Variants in ARIH1 observed in about 807,000 individuals in gnomAD.
ARIH1 encodes the protein E3 ubiquitin-protein ligase ARIH1.
Under a neutral mutation model 85.0 loss-of-function variants are expected in ARIH1, and 8 were observed. That is an observed-to-expected ratio of 0.09 (90% CI 0.06 to 0.17). The LOEUF (loss-of-function observed/expected upper bound fraction) is 0.17. Among genes scored for constraint, ARIH1 ranks in the 10% least tolerant of loss-of-function variants. The probability of loss-of-function intolerance (pLI) is 1.00; values close to 1 mark genes in which losing one functional copy is unlikely to be tolerated. For missense variants in ARIH1, 311 were observed against 718.1 expected (o/e 0.43, Z 6.48); for synonymous variants, 238 against 253.6 (o/e 0.94, Z 0.59).
At chr15:72,506,878 T>C (rs1381316851) in intron 1 of ARIH1, among the ~76,000 whole-genome samples, 2 of 152,120 alleles carry the variant, frequency 1.3e-5, no homozygotes, top group Non-Finnish European at 2.9e-5. Context: ...CTTAGCTTTA[T>C]CCTAAAATAA....
intron 11 of ARIH1, among the ~76,000 whole-genome samples, chr15:72,578,547 A>G (rs528983353): frequency 1.6e-4 from 24 of 152,306 alleles, no homozygotes; most frequent in African/African-American, 5.5e-4. Flanking sequence ...AAATCATAAG[A>G]TAGGCTACAT....
intron 2 of ARIH1, among the ~76,000 whole-genome samples, chr15:72,523,176 C>G (rs891230664): frequency 6.6e-6 from 1 of 152,184 alleles, no homozygotes; most frequent in African/African-American, 2.4e-5. Context: ...TGTGTCCATA[C>G]AAAAACCTGC....
At position 72,586,396 on chromosome 15, in the gene ARIH1, T is replaced by C. The variant is rs2140442685; in HGVS notation, c.*3104T>C. ...GGGTGGGTTGGTGAGACAATCAGAA[T>C]GGTAAATTGATTAAATGCTCCTAAC... is the stretch of plus-strand genomic sequence containing the variant. On this transcript the variant is annotated 3_prime_UTR_variant, in exon 14 of 14. Coordinates refer to ENST00000379887, the MANE Select transcript of ARIH1 (RefSeq NM_005744.5). 1 of 152,274 alleles carries C rather than the reference T, an allele frequency of 6.6e-6. No homozygotes were observed. Among genetic ancestry groups the C allele is most frequent in the East Asian group, 1.9e-4 (1 of 5,190 alleles). The allele number at this position is 152,274 out of a possible 1,614,324, so 9.4% of individuals were successfully genotyped here.
At chr15:72,548,339 TA>T (rs2064138422) in intron 3 of ARIH1, among the ~76,000 whole-genome samples, 1 of 152,118 alleles carries the variant, frequency 6.6e-6, no homozygotes. Flanking sequence ...TGGGGGATGG[TA>T]AATAGTACTA....
At chr15:72,507,747 TA>T (rs1289074089) in intron 1 of ARIH1, among the ~76,000 whole-genome samples, 1 of 152,160 alleles carries the variant, frequency 6.6e-6, no homozygotes, top group Non-Finnish European at 1.5e-5. Context: ...GATCAAAGGA[TA>T]GGGGATGATG....
chr15:72,538,004 G>A (rs1337309852), intron 2 of ARIH1, among the ~76,000 whole-genome samples: 2 of 152,112 alleles, frequency 1.3e-5, no homozygotes, highest in Non-Finnish European at 2.9e-5. Context: ...ATAGCTAGTT[G>A]ACTTGCAAAT....
chr15:72,476,249 A>T (rs1190662762), intron 1 of ARIH1, among the ~76,000 whole-genome samples: 1 of 152,226 alleles, frequency 6.6e-6, no homozygotes, highest in Admixed American at 6.5e-5. Context: ...CTGTTTCAAT[A>T]CAGTGTTTTG....
chr15:72,555,981 C>A, intron 5 of ARIH1, 74 bp downstream of exon 5: 1 of 1,323,094 alleles, frequency 7.6e-7, no homozygotes, highest in Non-Finnish European at 1.1e-6. Flanking sequence ...TACTTAGTAC[C>A]TCAAAGGAAG....
chr15:72,594,811 C>CTTTTTTTTTTTTTTTTTT lies in ARIH1; in HGVS notation c.*11529_*11546dup, dbSNP rs71137306. On this transcript the variant is annotated 3_prime_UTR_variant, in exon 14 of 14. Coordinates refer to ENST00000379887, the MANE Select transcript of ARIH1 (RefSeq NM_005744.5). Reference sequence around the variant, plus strand: ...TTTTTCTGATTTTATGCCTTTTCTTCTTTTTTTTTTTTTTTTTTTTTTTTT... The same window carrying CTTTTTTTTTTTTTTTTTT: ...TTTTTCTGATTTTATGCCTTTTCTTCTTTTTTTTTTTTTTTTTTTTTTTTTTTTTTTTTTTTTTTTTTT... The CTTTTTTTTTTTTTTTTTT allele has an allele frequency of 6.4e-4, 51 of 79,624 alleles. 7 individuals are homozygous for CTTTTTTTTTTTTTTTTTT. The highest frequency in any genetic ancestry group is 1.7e-3 in the African/African-American group (28 of 16,424). 4.9% of individuals were successfully genotyped at this position (79,624 alleles called of 1,614,324 possible). A position where few individuals can be genotyped will look rare whatever the true frequency, so the allele number is the denominator to read the frequency against.
intron 2 of ARIH1, among the ~76,000 whole-genome samples, chr15:72,543,197 A>G (rs2064115398): frequency 6.6e-6 from 1 of 151,688 alleles, no homozygotes. Context: ...AGCATCCCAA[A>G]GTGCTGGGAT....
intron 1 of ARIH1, among the ~76,000 whole-genome samples, chr15:72,495,315 T>C (rs959754498): frequency 6.6e-6 from 1 of 152,222 alleles, no homozygotes; most frequent in Non-Finnish European, 1.5e-5. Flanking sequence ...CACAATTCTG[T>C]GAATATAATC....
chr15:72,501,690 A>C (rs979443572), intron 1 of ARIH1, among the ~76,000 whole-genome samples: 1 of 152,202 alleles, frequency 6.6e-6, no homozygotes, highest in African/African-American at 2.4e-5. Flanking sequence ...GGAACCCAGA[A>C]GTGAGTATGT....
intron 1 of ARIH1, among the ~76,000 whole-genome samples, chr15:72,512,566 C>T (rs2063955334): frequency 1.5e-5 from 2 of 137,264 alleles, no homozygotes. Flanking sequence ...GTTTATTATT[C>T]CCTTTCTTCT....
chr15:72,571,426 C>G (rs745369730), intron 10 of ARIH1, among the ~76,000 whole-genome samples: 1 of 152,156 alleles, frequency 6.6e-6, no homozygotes, highest in African/African-American at 2.4e-5. Context: ...ATAGCTGCTC[C>G]CATAATGTAG....
At chr15:72,517,271 A>G (rs1311005440) in intron 1 of ARIH1, among the ~76,000 whole-genome samples, 26 of 152,158 alleles carry the variant, frequency 1.7e-4, no homozygotes, top group Non-Finnish European at 2.9e-5. Context: ...ATAAGGTATT[A>G]AATTATTTTT....
At chr15:72,540,990 C>T (rs370263449) in intron 2 of ARIH1, among the ~76,000 whole-genome samples, 7 of 152,216 alleles carry the variant, frequency 4.6e-5, no homozygotes, top group Middle Eastern at 3.4e-3. Flanking sequence ...CAAAGTCCAG[C>T]GGAGTCAAAG....
intron 2 of ARIH1, among the ~76,000 whole-genome samples, chr15:72,524,103 T>C (rs1377217097): frequency 6.6e-6 from 1 of 151,878 alleles, no homozygotes; most frequent in Non-Finnish European, 1.5e-5. Flanking sequence ...CCTGCCACCA[T>C]GCCTGGCGAA....
intron 2 of ARIH1, among the ~76,000 whole-genome samples, chr15:72,535,430 A>G (rs139192719): frequency 6.6e-6 from 1 of 152,190 alleles, no homozygotes. Flanking sequence ...CATAATTCCT[A>G]CATATAGTTG....
chr15:72,521,389 CAT>C (rs757125583), intron 2 of ARIH1, among the ~76,000 whole-genome samples: 4 of 151,890 alleles, frequency 2.6e-5, no homozygotes, highest in Admixed American at 1.3e-4. Context: ...GTTTTGAAAA[CAT>C]AAACTGTTGG....
Sources: allele counts gnomAD v4.1 joint callset (sites outside exome capture counted in the v4.1 genomes callset), GRCh38; gene constraint gnomAD v4.1.1; transcripts MANE v1.5; gene names NCBI Gene and HGNC (gene_info 2026-07-23, HGNC 2026-07-21).